The following TMEM132D variants were observed in gnomAD, a reference collection of about 807,000 sequenced individuals.
TMEM132D encodes transmembrane protein 132D.
In TMEM132D, 21 loss-of-function variants were observed where a neutral mutation model predicts 62.3. That is an observed-to-expected ratio of 0.34 (90% CI 0.24 to 0.49). The LOEUF is 0.49. Among genes scored for constraint, TMEM132D ranks in the 20% least tolerant of loss-of-function variants. The probability of loss-of-function intolerance (pLI) is 0.99; values close to 1 mark genes in which losing one functional copy is unlikely to be tolerated. For missense variants in TMEM132D, 1,346 were observed against 1,402.8 expected, an observed-to-expected ratio of 0.96 and a Z score of 0.65; for synonymous variants, 621 against 575.6, an observed-to-expected ratio of 1.08 and a Z score of -1.13.
intron 4 of TMEM132D, among the ~76,000 whole-genome samples, chr12:129,227,365 T>G (rs1472293648): frequency 7.0e-6 from 1 of 143,748 alleles, no homozygotes; most frequent in Non-Finnish European, 1.5e-5. Flanking sequence ...CTTGATTATG[T>G]TATAAATCCC....
intron 1 of TMEM132D, among the ~76,000 whole-genome samples, chr12:129,842,613 C>G (rs1873231473): frequency 6.6e-6 from 1 of 152,046 alleles, no homozygotes; most frequent in Admixed American, 6.6e-5. Flanking sequence ...GGACTACAGG[C>G]ACATGACACC....
chr12:129,541,981 A>G (rs1876595946), intron 2 of TMEM132D, among the ~76,000 whole-genome samples: 1 of 152,228 alleles, frequency 6.6e-6, no homozygotes, highest in Non-Finnish European at 1.5e-5. Flanking sequence ...AAGCAAAACA[A>G]AACAAAAAGA....
chr12:129,434,980 C>G (rs1038365952), intron 3 of TMEM132D, among the ~76,000 whole-genome samples: 6 of 152,130 alleles, frequency 3.9e-5, no homozygotes. Context: ...CCAGTACCCT[C>G]CCTAGCCTCT....
chr12:129,318,484 TG>T (rs1868563937), intron 4 of TMEM132D, among the ~76,000 whole-genome samples: 1 of 152,186 alleles, frequency 6.6e-6, no homozygotes, highest in Non-Finnish European at 1.5e-5. Flanking sequence ...CATAGAGTCC[TG>T]TGATGTGATC....
intron 2 of TMEM132D, among the ~76,000 whole-genome samples, chr12:129,576,621 T>C (rs61943483): frequency 5.2e-5 from 6 of 115,550 alleles, no homozygotes; most frequent in Admixed American, 1.8e-4. Context: ...CACACACACA[T>C]ATATATGCAG....
At chr12:129,106,788 A>C (rs1875515340) in intron 5 of TMEM132D, among the ~76,000 whole-genome samples, 2 of 152,198 alleles carry the variant, frequency 1.3e-5, no homozygotes, top group Admixed American at 1.3e-4. Flanking sequence ...CTTAAGAGCC[A>C]GTGCACACTC....
chr12:129,565,056 G>T (rs1181974575), intron 2 of TMEM132D, among the ~76,000 whole-genome samples: 1 of 152,216 alleles, frequency 6.6e-6, no homozygotes, highest in Non-Finnish European at 1.5e-5. Flanking sequence ...GCCACATGCT[G>T]ATGAGAAGAA....
At chr12:129,868,273 A>G (rs901951267) in intron 1 of TMEM132D, among the ~76,000 whole-genome samples, 1 of 152,202 alleles carries the variant, frequency 6.6e-6, no homozygotes, top group Admixed American at 6.5e-5. Flanking sequence ...CAGCATTTCT[A>G]TGGTACACAC....
At chr12:129,547,544 A>G (rs1391374498) in intron 2 of TMEM132D, among the ~76,000 whole-genome samples, 1 of 152,136 alleles carries the variant, frequency 6.6e-6, no homozygotes, top group African/African-American at 2.4e-5. Context: ...GCACAGTTCA[A>G]CCCTCAACAC....
At chr12:129,712,540 C>A (rs545330543) in intron 1 of TMEM132D, among the ~76,000 whole-genome samples, 1 of 152,330 alleles carries the variant, frequency 6.6e-6, no homozygotes, top group Admixed American at 6.5e-5. Context: ...GAGCTTGCTG[C>A]GCTCCTGAAA....
chr12:129,771,298 C>T (rs1308325388), intron 1 of TMEM132D, among the ~76,000 whole-genome samples: 1 of 152,178 alleles, frequency 6.6e-6, no homozygotes, highest in Non-Finnish European at 1.5e-5. Context: ...AGGGGATTAA[C>T]CACTCTGTGC....
intron 2 of TMEM132D, among the ~76,000 whole-genome samples, chr12:129,531,832 A>G (rs547864681): frequency 1.3e-5 from 2 of 152,288 alleles, no homozygotes; most frequent in South Asian, 4.1e-4. Flanking sequence ...TTTCCATTCC[A>G]TATGTTCTTT....
intron 4 of TMEM132D, among the ~76,000 whole-genome samples, chr12:129,281,469 G>A (rs1881150263): frequency 6.6e-6 from 1 of 151,678 alleles, no homozygotes; most frequent in South Asian, 2.1e-4. Context: ...GCTGAGCAGA[G>A]TTCCTGCCAA....
intron 1 of TMEM132D, among the ~76,000 whole-genome samples, chr12:129,847,166 T>C (rs12821921): frequency 0.15 from 22,473 of 152,232 alleles, 1,774 homozygotes; most frequent in African/African-American, 0.19. Context: ...GGTTCACTTG[T>C]GTTCCTGGCT....
intron 2 of TMEM132D, among the ~76,000 whole-genome samples, chr12:129,548,526 G>T (rs1227840731): frequency 1.3e-5 from 2 of 152,224 alleles, no homozygotes; most frequent in Non-Finnish European, 2.9e-5. Flanking sequence ...CTTTCCTGCT[G>T]AGGATGAAAA....
chr12:129,687,804 C>T lies in TMEM132D; in HGVS notation c.968+12006G>A, dbSNP rs145290673. Among the ~76,000 whole-genome samples the T allele has an allele frequency of 9.6e-4, 146 of 152,232 alleles. No individual in the cohort carries two copies. The East Asian group carries it at 0.026, about 27-fold the overall frequency. Reference sequence around the variant, plus strand: ...CCAGCCTTTCTACTCATCTCTGGAACCCCCAAGAGCCTGCCAGTTGGCCAG... The same window carrying T: ...CCAGCCTTTCTACTCATCTCTGGAATCCCCAAGAGCCTGCCAGTTGGCCAG... On this transcript the variant is annotated intron_variant, in intron 2 of 8. Transcript: ENST00000422113.
chr12:129,272,202 C>G (rs773756636), intron 4 of TMEM132D, among the ~76,000 whole-genome samples: 2 of 151,826 alleles, frequency 1.3e-5, no homozygotes, highest in Admixed American at 1.3e-4. Flanking sequence ...CGGCAGGGAC[C>G]GCATGCCCTG....
chr12:129,760,358 G>A (rs1161552536), intron 1 of TMEM132D, among the ~76,000 whole-genome samples: 3 of 121,406 alleles, frequency 2.5e-5, no homozygotes, highest in Non-Finnish European at 4.9e-5. Context: ...TTGAGATGGA[G>A]TCTCGCTCTT....
rs1881994460 is a variant in TMEM132D at position 129,312,278 on chromosome 12, G to A, written c.1299+25356C>T. Among the ~76,000 whole-genome samples, 5 of 152,196 alleles carry A rather than the reference G, an allele frequency of 3.3e-5. 1 individual carries two copies. The South Asian group carries it at 1.0e-3, about 32-fold the overall frequency. On this transcript the variant is annotated intron_variant, in intron 4 of 8. Transcript: ENST00000422113. The stretch of plus-strand genomic sequence containing the variant: ...ACGGAGAACTCCTATCTTGTTTCAG[G>A]AACTGGATGGAGTGAGGGACAATTT...
Sources: allele counts gnomAD v4.1 joint callset (sites outside exome capture counted in the v4.1 genomes callset), GRCh38; gene constraint gnomAD v4.1.1; transcripts MANE v1.5; gene names NCBI Gene and HGNC (gene_info 2026-07-23, HGNC 2026-07-21).